KIAA1671: variants seen among roughly 807,000 people sequenced by gnomAD.
The protein encoded by KIAA1671 is uncharacterized protein KIAA1671.
A neutral mutation model predicts 131.2 loss-of-function variants in KIAA1671; 52 were observed. The observed-to-expected ratio is 0.40, with a 90% CI of 0.32 to 0.50. The LOEUF is 0.50. KIAA1671 is among the 20% of genes least tolerant of loss of function. The pLI, the probability that KIAA1671 is intolerant of heterozygous loss-of-function variation, is 0.73. For synonymous variants in KIAA1671, 1,003 were observed against 961.6 expected (o/e 1.04, Z -0.80); for missense variants, 2,360 against 2,364.2 (o/e 1.00, Z 0.04).
chr22:25,178,993 A>G (rs980681244), intron 9 of KIAA1671, among the ~76,000 whole-genome samples: 2 of 152,164 alleles, frequency 1.3e-5, no homozygotes, highest in African/African-American at 4.8e-5. Context: ...AGGACCCGCG[A>G]TCCCACGCCA....
At position 25,028,059 on chromosome 22, in the gene KIAA1671, T is replaced by C; in HGVS notation, c.60T>C (p.Gly20=). ...ITPLTAVPGL[G]EMGKEETLTR... is the part of the protein sequence containing the mutation. ...CCTTGACGGCCGTGCCAGGCCTGGGTGAGATGGGCAAGGAGGAGACCCTGA... is the reference window on the plus strand; with the variant it reads ...CCTTGACGGCCGTGCCAGGCCTGGGCGAGATGGGCAAGGAGGAGACCCTGA... The change falls in exon 3 of 13, where the codon GGT becomes GGC. Residue 20 remains glycine, a synonymous_variant. Transcript: ENST00000358431. 1 of 1,546,464 alleles carries C rather than the reference T, an allele frequency of 6.5e-7. No individual in the cohort carries two copies. The highest frequency in any genetic ancestry group is 2.0e-5 in the Admixed American group (1 of 50,286).
chr22:25,031,461 G>A (rs1353726242), intron 3 of KIAA1671, among the ~76,000 whole-genome samples: 7 of 152,176 alleles, frequency 4.6e-5, no homozygotes, highest in African/African-American at 1.7e-4. Flanking sequence ...CTTCCAAAGT[G>A]CTGGGATTAC....
chr22:25,099,273 A>G (rs1015103819), intron 6 of KIAA1671, among the ~76,000 whole-genome samples: 9 of 152,180 alleles, frequency 5.9e-5, no homozygotes, highest in African/African-American at 9.7e-5. Context: ...TTTTAAAGGC[A>G]GAGAAGGTGA....
At chr22:25,015,713 A>G (rs1042870006) in intron 1 of KIAA1671, among the ~76,000 whole-genome samples, 1 of 135,818 alleles carries the variant, frequency 7.4e-6, no homozygotes, top group African/African-American at 2.6e-5. Context: ...AATATACCAC[A>G]GAATGCTTCT....
chr22:25,021,466 C>CTTTTTTTTTTTTTTTTTTCCTTTT, intron 1 of KIAA1671, among the ~76,000 whole-genome samples: 1 of 133,628 alleles, frequency 7.5e-6, no homozygotes, highest in Non-Finnish European at 1.6e-5. Context: ...TTGTCCTTAC[C>CTTTTTTTTTTTTTTTTTTCCTTTT]TTTTTTTTTT....
intron 1 of KIAA1671, among the ~76,000 whole-genome samples, chr22:24,956,637 C>T (rs372031563): frequency 1.1e-4 from 16 of 152,158 alleles, no homozygotes; most frequent in African/African-American, 3.9e-4. Flanking sequence ...GAGGCCGAGG[C>T]GGATGGATCA....
intron 6 of KIAA1671, among the ~76,000 whole-genome samples, chr22:25,120,217 C>T (rs1470761607): frequency 1.3e-5 from 2 of 152,200 alleles, no homozygotes; most frequent in African/African-American, 4.8e-5. Context: ...TGCCAGGTGC[C>T]CTGGTCTCGG....
intron 1 of KIAA1671, among the ~76,000 whole-genome samples, chr22:24,985,659 A>G (rs1317581606): frequency 6.6e-6 from 1 of 151,146 alleles, no homozygotes; most frequent in Non-Finnish European, 1.5e-5. Flanking sequence ...TTGTTTCTTT[A>G]GTTCCCTCTT....
At chr22:24,996,592 G>A (rs115008108) in intron 1 of KIAA1671, among the ~76,000 whole-genome samples, 2 of 152,012 alleles carry the variant, frequency 1.3e-5, no homozygotes, top group African/African-American at 2.4e-5. Flanking sequence ...ATGCATCCCC[G>A]AGAGAGGGAG....
In KIAA1671 at chr22:25,185,988, T is replaced by A. The variant is rs562611907; in HGVS notation, c.5342+869T>A. 10 of 152,216 alleles carry A rather than the reference T, an allele frequency of 6.6e-5. No homozygotes were observed. In the East Asian group the frequency reaches 1.9e-3, roughly 29 times the overall value. 9.4% of individuals were successfully genotyped at this position (152,216 alleles called of 1,614,324 possible). A position where few individuals can be genotyped will look rare whatever the true frequency, so the allele number is the denominator to read the frequency against. ...ATGCTAGAGTTGTAATGATAGTAAG[T>A]GCTGGTTGGATCAGAGCAAGAGTGG... On this transcript the variant is annotated intron_variant, in intron 11 of 12. Coordinates refer to ENST00000358431, the MANE Select transcript of KIAA1671 (RefSeq NM_001145206.2).
At chr22:24,978,428 G>A (rs1295959466) in intron 1 of KIAA1671, among the ~76,000 whole-genome samples, 2 of 152,078 alleles carry the variant, frequency 1.3e-5, no homozygotes, top group African/African-American at 4.8e-5. Flanking sequence ...CCCAGTCTTA[G>A]GTATGTCTTT....
At chr22:25,096,919 A>G (rs1281811138) in intron 6 of KIAA1671, among the ~76,000 whole-genome samples, 1 of 152,198 alleles carries the variant, frequency 6.6e-6, no homozygotes, top group Non-Finnish European at 1.5e-5. Context: ...AATTATTTTG[A>G]GATGTGTTCA....
At chr22:25,174,634 G>A in intron 8 of KIAA1671, 145 bp downstream of exon 8, 1 of 924,272 alleles carries the variant, frequency 1.1e-6, no homozygotes, top group South Asian at 1.8e-5. Flanking sequence ...ACTCACTTAT[G>A]CATGTATCTT....
intron 1 of KIAA1671, among the ~76,000 whole-genome samples, chr22:25,025,047 G>A (rs1344877445): frequency 9.7e-6 from 1 of 102,988 alleles, no homozygotes; most frequent in African/African-American, 3.5e-5. Context: ...GGAGGCATTT[G>A]GAGGGCTTCA....
chr22:24,956,060 A>G (rs1346678631), intron 1 of KIAA1671, among the ~76,000 whole-genome samples: 1 of 152,100 alleles, frequency 6.6e-6, no homozygotes, highest in Non-Finnish European at 1.5e-5. Flanking sequence ...AAAAAGAAAA[A>G]TCCTGGTGAG....
chr22:25,039,357 G>C lies in KIAA1671; in HGVS notation c.2227G>C (p.Val743Leu). The C allele has an allele frequency of 6.4e-7, 1 of 1,551,922 alleles. No homozygotes were observed. The highest frequency in any genetic ancestry group is 2.4e-5 in the East Asian group (1 of 40,924). Residue 743 changes from valine to leucine, a missense_variant, in exon 5 of 13, where the codon GTG becomes CTG. This residue lies in a region of KIAA1671 where 1,185 missense variants were observed against 1,126.2 expected (regional missense o/e 1.05). Coordinates refer to ENST00000358431, the MANE Select transcript of KIAA1671 (RefSeq NM_001145206.2). ...CATTGTGCATGCAGTGGGAGAGCGT[G>C]TGCACAGCGAGGCCATCTCACCGGC... Reference protein sequence around the residue: ...YDIVHAVGERVHSEAISPAPE... With the variant: ...YDIVHAVGERLHSEAISPAPE...
Position 25,039,037 on chromosome 22 carries a change from C to A in KIAA1671, c.1907C>A (p.Pro636His), listed in dbSNP as rs1474239076. 30 of 1,551,644 alleles carry A rather than the reference C, an allele frequency of 1.9e-5. No homozygotes were observed. The highest frequency in any genetic ancestry group is 7.8e-6 in the Non-Finnish European group (9 of 1,147,038). The change falls in exon 5 of 13, where the codon CCC (proline) becomes CAC (histidine). Residue 636 changes from proline (P) to histidine (H), a missense_variant. Pro to His is a moderately conservative substitution (Grantham distance 77, BLOSUM62 -2). Coordinates refer to ENST00000358431, the MANE Select transcript of KIAA1671 (RefSeq NM_001145206.2). ...TCGGGACGTTGTCTCTCCACCACAC[C>A]CCCTGGTGACATGGCCCATGCCCGT... The part of the protein sequence containing the change: ...DQSGRCLSTT[P>H]PGDMAHARVS...
At chr22:25,153,275 C>T (rs922894113) in intron 6 of KIAA1671, among the ~76,000 whole-genome samples, 1 of 152,226 alleles carries the variant, frequency 6.6e-6, no homozygotes, top group Non-Finnish European at 1.5e-5. Context: ...TGAGACTGCA[C>T]CAACTAGACC....
Position 25,028,404 on chromosome 22 carries a change from G to T in KIAA1671, c.405G>T (p.Val135=). ...RTSSPLFNKA[V]FLRPSSSTMI... ...GCTCGCCCCTCTTCAACAAGGCTGTGTTCCTGCGGCCCAGCTCCAGCACCA... is the reference window on the plus strand; with the variant it reads ...GCTCGCCCCTCTTCAACAAGGCTGTTTTCCTGCGGCCCAGCTCCAGCACCA... The change falls in exon 3 of 13, where the codon GTG becomes GTT. Residue 135 remains valine, a synonymous_variant. Coordinates refer to ENST00000358431, the MANE Select transcript of KIAA1671 (RefSeq NM_001145206.2). 6.4e-7 allele frequency: 1 copy of T among 1,551,122 alleles called. No homozygotes were observed. The highest frequency in any genetic ancestry group is 8.7e-7 in the Non-Finnish European group (1 of 1,146,898).
Sources: gnomAD v4.1 joint callset for allele counts (sites outside exome capture counted in the v4.1 genomes callset) on GRCh38, gnomAD v4.1.1 for gene constraint, gnomAD v4.1.1 regional missense constraint, MANE v1.5 for transcripts, NCBI Gene and HGNC (gene_info 2026-07-23, HGNC 2026-07-21) for gene names.